Variants in ALK observed in about 807,000 individuals in gnomAD.
ALK encodes ALK receptor tyrosine kinase.
ALK carries 74 observed loss-of-function variants against 163.1 expected under a neutral mutation model. The ratio of observed to expected loss-of-function variants is 0.45; its 90% CI spans 0.38 to 0.55. ALK has a LOEUF of 0.55. Ranked by LOEUF, ALK falls within the 20% of genes least tolerant of loss-of-function variation. The pLI, the probability that ALK is intolerant of heterozygous loss-of-function variation, is 0.00. For missense variants in ALK, 2,063 were observed against 2,105.3 expected, an observed-to-expected ratio of 0.98 and a Z score of 0.39; for synonymous variants, 960 against 843.2, an observed-to-expected ratio of 1.14 and a Z score of -2.40.
intron 3 of ALK, among the ~76,000 whole-genome samples, chr2:29,614,233 C>T (rs1041296069): frequency 2.6e-5 from 4 of 152,196 alleles, no homozygotes; most frequent in African/African-American, 9.7e-5. Flanking sequence ...GTTCCAGTGG[C>T]GCTGGCATCA....
At chr2:29,838,821 T>C (rs143498776) in intron 1 of ALK, among the ~76,000 whole-genome samples, 40 of 152,256 alleles carry the variant, frequency 2.6e-4, no homozygotes, top group African/African-American at 9.1e-4. Flanking sequence ...ATATTATATA[T>C]CTCAATAGGG....
chr2:29,452,051 C>G (rs1434918760), intron 4 of ALK, among the ~76,000 whole-genome samples: 2 of 152,094 alleles, frequency 1.3e-5, no homozygotes, highest in Non-Finnish European at 2.9e-5. Flanking sequence ...TAGTGACTAC[C>G]CTATTGGACA....
chr2:29,208,842 AAAAG>A (rs1372564677), intron 25 of ALK, among the ~76,000 whole-genome samples: 1 of 152,212 alleles, frequency 6.6e-6, no homozygotes, highest in Non-Finnish European at 1.5e-5. Flanking sequence ...ATCAGGGAAA[AAAAG>A]GAACTAGAGG....
In ALK at chr2:29,921,490, G is replaced by T. The variant is rs1045308122; in HGVS notation, c.-831C>A. 13 of 231,982 alleles carry T rather than the reference G, an allele frequency of 5.6e-5. No homozygotes were observed. The highest frequency in any genetic ancestry group is 2.7e-4 in the African/African-American group (12 of 45,276). The allele number at this position is 231,982 out of a possible 1,614,324, so 14.4% of individuals were successfully genotyped here. ...TGGGTGGCCGACCAGAGGGCGGCCG[G>T]AAAGCACCTCGGTGCCCCGCGACCC... is the stretch of plus-strand genomic sequence containing the variant. On this transcript the variant is annotated 5_prime_UTR_variant, in exon 1 of 29. Transcript: ENST00000389048.
At chr2:29,900,183 G>A (rs113619158) in intron 1 of ALK, among the ~76,000 whole-genome samples, 176 of 152,360 alleles carry the variant, frequency 1.2e-3, no homozygotes, top group African/African-American at 4.1e-3. Context: ...CCTGAGAGTA[G>A]GCCAGTTCAT....
intron 3 of ALK, among the ~76,000 whole-genome samples, chr2:29,628,869 C>T (rs1676275375): frequency 6.6e-6 from 1 of 152,186 alleles, no homozygotes; most frequent in South Asian, 2.1e-4. Context: ...ACAGATTTAG[C>T]ATGTTCAAGA....
intron 1 of ALK, 115 bp from the exon 2 acceptor site, chr2:29,717,812 G>A (rs904247895): frequency 7.1e-7 from 1 of 1,405,180 alleles, no homozygotes; most frequent in African/African-American, 1.4e-5. Flanking sequence ...CATCCATCGG[G>A]AAGATGAGGG....
intron 3 of ALK, among the ~76,000 whole-genome samples, chr2:29,694,568 G>A (rs928821816): frequency 1.3e-5 from 2 of 152,110 alleles, no homozygotes; most frequent in African/African-American, 2.4e-5. Flanking sequence ...TTCAAATACC[G>A]ATCAGCACTT....
intron 4 of ALK, among the ~76,000 whole-genome samples, chr2:29,464,072 GCATGC>G (rs1333472547): frequency 1.3e-5 from 2 of 152,100 alleles, no homozygotes; most frequent in Non-Finnish European, 2.9e-5. Flanking sequence ...TTACTTAACT[GCATGC>G]CAGATCAAAA....
At chr2:29,776,525 G>A (rs1390204484) in intron 1 of ALK, among the ~76,000 whole-genome samples, 1 of 152,176 alleles carries the variant, frequency 6.6e-6, no homozygotes, top group East Asian at 1.9e-4. Context: ...TCTCGCTCAT[G>A]GCAAATGGGA....
chr2:29,566,355 T>C (rs1674189979), intron 3 of ALK, among the ~76,000 whole-genome samples: 1 of 152,194 alleles, frequency 6.6e-6, no homozygotes, highest in Non-Finnish European at 1.5e-5. Flanking sequence ...CTAACAATAG[T>C]AGCAACATCA....
At chr2:29,818,741 T>C (rs1271737861) in intron 1 of ALK, among the ~76,000 whole-genome samples, 8 of 152,242 alleles carry the variant, frequency 5.3e-5, no homozygotes, top group African/African-American at 1.9e-4. Context: ...CAAAGGGAAA[T>C]GAGACTGGTC....
intron 5 of ALK, among the ~76,000 whole-genome samples, chr2:29,348,794 C>T (rs1668026174): frequency 6.6e-6 from 1 of 152,176 alleles, no homozygotes; most frequent in African/African-American, 2.4e-5. Context: ...TTTACAGCTC[C>T]CATCGTAAGG....
chr2:29,731,041 T>C (rs1396514696), intron 1 of ALK, among the ~76,000 whole-genome samples: 1 of 152,124 alleles, frequency 6.6e-6, no homozygotes, highest in African/African-American at 2.4e-5. Context: ...ACAAAGCAGG[T>C]GGCATGGGTG....
rs760840075 is a variant in ALK at position 29,717,714 on chromosome 2, A to G, written c.668-17T>C. On this transcript the variant is annotated splice_polypyrimidine_tract_variant and intron_variant, in intron 1 of 28. Coordinates refer to ENST00000389048, the MANE Select transcript of ALK (RefSeq NM_004304.5). The stretch of plus-strand genomic sequence containing the variant: ...AGCTATGACCTGGACATAAAAATAA[A>G]GAAAACACTGATCCATGTGCTTGGG... 3 of 1,614,094 alleles carry G rather than the reference A, an allele frequency of 1.9e-6. No homozygotes were observed. The highest frequency in any genetic ancestry group is 2.5e-6 in the Non-Finnish European group (3 of 1,179,966).
chr2:29,218,771 T>TGA (rs1348190896), intron 23 of ALK, among the ~76,000 whole-genome samples: 1 of 152,242 alleles, frequency 6.6e-6, no homozygotes, highest in African/African-American at 2.4e-5. Flanking sequence ...TCCCAAAGTG[T>TGA]GATGCCACGT....
At chr2:29,589,082 TATC>T (rs1432156311) in intron 3 of ALK, among the ~76,000 whole-genome samples, 2 of 152,188 alleles carry the variant, frequency 1.3e-5, no homozygotes, top group Non-Finnish European at 2.9e-5. Context: ...GGAGAAACCT[TATC>T]ATCTCTGCAG....
intron 3 of ALK, among the ~76,000 whole-genome samples, chr2:29,641,835 T>G (rs1423642002): frequency 6.6e-6 from 1 of 152,210 alleles, no homozygotes; most frequent in Non-Finnish European, 1.5e-5. Context: ...CCCTTTCATA[T>G]AAACAGAAAC....
intron 4 of ALK, among the ~76,000 whole-genome samples, chr2:29,417,958 C>G (rs560863376): frequency 9.2e-5 from 14 of 152,288 alleles, no homozygotes; most frequent in African/African-American, 3.1e-4. Context: ...TCTGCGAATA[C>G]AGTTATTATT....
Sources: allele counts gnomAD v4.1 joint callset (sites outside exome capture counted in the v4.1 genomes callset), GRCh38; gene constraint gnomAD v4.1.1; transcripts MANE v1.5; gene names NCBI Gene and HGNC (gene_info 2026-07-23, HGNC 2026-07-21).